CCDC171: variants seen among roughly 807,000 people sequenced by gnomAD.
The protein encoded by CCDC171 is coiled-coil domain containing 171.
CCDC171 carries 177 observed loss-of-function variants against 168.2 expected under a neutral mutation model. That is an observed-to-expected ratio of 1.05 (90% CI 0.93 to 1.19). The LOEUF (loss-of-function observed/expected upper bound fraction) is 1.19, where lower values mean the gene tolerates loss of function less well. CCDC171 is among the 50% of genes most tolerant of loss of function. The pLI is 0.00. For synonymous variants in CCDC171, 687 were observed against 540.8 expected, an observed-to-expected ratio of 1.27 and a Z score of -3.75; for missense variants, 1,991 against 1,539.0, an observed-to-expected ratio of 1.29 and a Z score of -4.91.
chr9:15,994,772 A>G (rs1019103632), intron 3 of CCDC171, among the ~76,000 whole-genome samples: 68 of 152,128 alleles, frequency 4.5e-4, no homozygotes, highest in African/African-American at 1.6e-3. Flanking sequence ...ATTCTGAACT[A>G]TTTTGGCTAT....
chr9:15,685,409 T>C (rs1441742818), intron 10 of CCDC171, among the ~76,000 whole-genome samples: 1 of 152,114 alleles, frequency 6.6e-6, no homozygotes, highest in African/African-American at 2.4e-5. Flanking sequence ...GGAGGACCAT[T>C]GAGCCCAGGA....
At chr9:16,090,404 C>T in the CCDC171 span, among the ~76,000 whole-genome samples, 5 of 151,762 alleles carry the variant, frequency 3.3e-5, no homozygotes, top group African/African-American at 7.3e-5. Context: ...CATCACACAC[C>T]GGGGCCTGTT....
chr9:15,575,131 G>A (rs1242903607), intron 3 of CCDC171, among the ~76,000 whole-genome samples: 2 of 149,932 alleles, frequency 1.3e-5, no homozygotes, highest in Non-Finnish European at 3.0e-5. Flanking sequence ...TAGAAAGAGA[G>A]AGGGTAAAGG....
intron 16 of CCDC171, among the ~76,000 whole-genome samples, chr9:15,739,993 TAC>T (rs1199885130): frequency 6.6e-6 from 1 of 152,206 alleles, no homozygotes; most frequent in Non-Finnish European, 1.5e-5. Flanking sequence ...TGCCTTGGCC[TAC>T]CAAAGTGCTG....
intron 23 of CCDC171, among the ~76,000 whole-genome samples, chr9:15,855,029 G>T (rs953915267): frequency 6.6e-6 from 1 of 151,570 alleles, no homozygotes; most frequent in Non-Finnish European, 1.5e-5. Flanking sequence ...AGTTAAATGT[G>T]CATTTTAAAA....
intron 21 of CCDC171, among the ~76,000 whole-genome samples, chr9:15,836,185 T>C (rs1284690747): frequency 6.6e-6 from 1 of 152,078 alleles, no homozygotes; most frequent in African/African-American, 2.4e-5. Flanking sequence ...CTCTCCTATG[T>C]TGCAGTGACA....
Position 16,028,583 on chromosome 9 carries a change from G to T in CCDC171, n.998+5675G>T, listed in dbSNP as rs149137661. Among the ~76,000 whole-genome samples the T allele has an allele frequency of 1.7e-3, 264 of 152,296 alleles. 2 individuals are homozygous for T. The highest frequency in any genetic ancestry group is 5.9e-3 in the African/African-American group (245 of 41,554). On this transcript the variant is annotated intron_variant and non_coding_transcript_variant, in intron 6 of 9. Transcript: ENST00000486641. Reference sequence around the variant, plus strand: ...TCCTGCACTTTTGTTAAGTCTGGCAGCTCTAGCTCCTGTCAGTTTTGTTAA... The same window carrying T: ...TCCTGCACTTTTGTTAAGTCTGGCATCTCTAGCTCCTGTCAGTTTTGTTAA...
At chr9:15,708,221 C>T (rs2133981669) in intron 11 of CCDC171, among the ~76,000 whole-genome samples, 1 of 152,344 alleles carries the variant, frequency 6.6e-6, no homozygotes, top group East Asian at 1.9e-4. Flanking sequence ...TTTAAAGTGT[C>T]AACAGCCTGG....
chr9:16,095,250 C>G, the CCDC171 span, among the ~76,000 whole-genome samples: 1 of 152,206 alleles, frequency 6.6e-6, no homozygotes, highest in Non-Finnish European at 1.5e-5. Flanking sequence ...TGACTCTGAG[C>G]AAGGCAAGGA....
At chr9:15,861,216 C>CCTT (rs59122272) in intron 23 of CCDC171, among the ~76,000 whole-genome samples, 22 of 148,562 alleles carry the variant, frequency 1.5e-4, no homozygotes, top group Admixed American at 6.0e-4. Flanking sequence ...ATAGTTGGAT[C>CCTT]TTTTTTTTTT....
intron 5 of CCDC171, among the ~76,000 whole-genome samples, chr9:15,592,336 TCTCCCCC>T (rs2042061983): frequency 6.6e-6 from 1 of 150,746 alleles, no homozygotes; most frequent in African/African-American, 2.4e-5. Context: ...TGAGACCCTG[TCTCCCCC>T]CAAAAAAGCA....
At chr9:15,559,033 T>C (rs1053703961) in intron 1 of CCDC171, among the ~76,000 whole-genome samples, 4 of 152,190 alleles carry the variant, frequency 2.6e-5, no homozygotes, top group Non-Finnish European at 4.4e-5. Context: ...TTCCACGTAG[T>C]TGAGCGGTTG....
chr9:15,741,588 C>T (rs1003104677), intron 16 of CCDC171, among the ~76,000 whole-genome samples: 2 of 152,104 alleles, frequency 1.3e-5, no homozygotes, highest in African/African-American at 4.8e-5. Flanking sequence ...TTGCTGTGAA[C>T]AAGAAGCTAT....
intron 7 of CCDC171, among the ~76,000 whole-genome samples, chr9:15,626,462 G>T (rs1474851945): frequency 6.6e-6 from 1 of 152,158 alleles, no homozygotes; most frequent in Non-Finnish European, 1.5e-5. Context: ...GTCATAAAGA[G>T]CTCTTATTGT....
intron 25 of CCDC171, among the ~76,000 whole-genome samples, chr9:15,929,292 T>C (rs1198707923): frequency 6.6e-6 from 1 of 151,730 alleles, no homozygotes; most frequent in African/African-American, 2.4e-5. Context: ...TGGCAACAAC[T>C]AAATATGCTT....
At chr9:15,606,386 T>A (rs956259815) in intron 6 of CCDC171, among the ~76,000 whole-genome samples, 4 of 152,222 alleles carry the variant, frequency 2.6e-5, no homozygotes, top group Admixed American at 1.3e-4. Context: ...TGTTTCATTT[T>A]CAAGCTTATG....
chr9:15,858,042 G>C (rs1040094939), intron 23 of CCDC171, among the ~76,000 whole-genome samples: 1 of 151,370 alleles, frequency 6.6e-6, no homozygotes, highest in Non-Finnish European at 1.5e-5. Flanking sequence ...TTTTGAGGGG[G>C]AGTCTTACTC....
intron 3 of CCDC171, among the ~76,000 whole-genome samples, chr9:16,012,424 C>A (rs945435191): frequency 6.6e-6 from 1 of 152,126 alleles, no homozygotes; most frequent in Non-Finnish European, 1.5e-5. Flanking sequence ...GAGGTTGGCC[C>A]TCCTGAATTC....
chr9:15,974,215 CA>C (rs1225714354), downstream of CCDC171, among the ~76,000 whole-genome samples: 1 of 151,858 alleles, frequency 6.6e-6, no homozygotes, highest in Admixed American at 6.6e-5. Flanking sequence ...TATTCACTAC[CA>C]AATATAGTAA....
Sources: allele counts gnomAD v4.1 joint callset (sites outside exome capture counted in the v4.1 genomes callset), GRCh38; gene constraint gnomAD v4.1.1; transcripts MANE v1.5; gene names NCBI Gene and HGNC (gene_info 2026-07-23, HGNC 2026-07-21).